Variants in INKA2 observed in about 807,000 individuals in gnomAD.
The protein encoded by INKA2 is PAK4-inhibitor INKA2.
INKA2 carries 3 observed loss-of-function variants against 9.8 expected under a neutral mutation model. The ratio of observed to expected loss-of-function variants is 0.31; its 90% CI spans 0.14 to 0.79. The LOEUF (loss-of-function observed/expected upper bound fraction) is 0.79. Among genes scored for constraint, INKA2 ranks in the 30% least tolerant of loss-of-function variants. The pLI, the probability that INKA2 is intolerant of heterozygous loss-of-function variation, is 0.62. For synonymous variants in INKA2, 147 were observed against 143.3 expected (o/e 1.03, Z -0.18); for missense variants, 392 against 384.4 (o/e 1.02, Z -0.17).
intron 1 of INKA2, among the ~76,000 whole-genome samples, chr1:111,749,366 C>T (rs1370188328): frequency 1.3e-5 from 2 of 151,910 alleles, no homozygotes; most frequent in Non-Finnish European, 2.9e-5. Flanking sequence ...GCCACCTGAG[C>T]CAGGGGTTCA....
upstream of INKA2, among the ~76,000 whole-genome samples, chr1:111,741,558 T>C (rs1056518412): frequency 1.3e-5 from 2 of 152,204 alleles, no homozygotes; most frequent in African/African-American, 2.4e-5. Flanking sequence ...GGACCCAGCA[T>C]TGACATATAG....
At chr1:111,745,357 G>A (rs1288404714) in intron 1 of INKA2, 1 of 137,914 alleles carries the variant, frequency 7.3e-6, no homozygotes, top group Non-Finnish European at 1.5e-5. Flanking sequence ...GTGCAGTGGT[G>A]TGATCACGGC....
intron 1 of INKA2, among the ~76,000 whole-genome samples, chr1:111,749,238 T>C (rs771437311): frequency 2.6e-5 from 4 of 152,196 alleles, no homozygotes; most frequent in African/African-American, 4.8e-5. Flanking sequence ...GTTCTCGGCC[T>C]GGATTCTGGG....
chr1:111,731,130 G>A (rs1662897020), intron 1 of INKA2, among the ~76,000 whole-genome samples: 1 of 152,214 alleles, frequency 6.6e-6, no homozygotes, highest in South Asian at 2.1e-4. Context: ...CAGTTTTCCA[G>A]TGAGAATGAA....
intron 1 of INKA2, among the ~76,000 whole-genome samples, chr1:111,749,054 A>C (rs1027722735): frequency 6.6e-6 from 1 of 152,202 alleles, no homozygotes; most frequent in African/African-American, 2.4e-5. Flanking sequence ...AATGTGAGCG[A>C]AGCTGCCTTG....
At chr1:111,746,953 C>T (rs182183155) in intron 1 of INKA2, 9 of 152,282 alleles carry the variant, frequency 5.9e-5, no homozygotes, top group African/African-American at 1.4e-4. Flanking sequence ...TTTTCTCCTC[C>T]GTGATCTCTA....
At chr1:111,745,293 A>ATATATATATATATATATATATTT (rs1358304932) in intron 1 of INKA2, 3 of 49,270 alleles carry the variant, frequency 6.1e-5, no homozygotes, top group Non-Finnish European at 1.1e-4. Flanking sequence ...ATATATATAT[A>ATATATATATATATATATATATTT]TTTTTTTTTT....
At chr1:111,730,917 C>T (rs531438372) in intron 1 of INKA2, among the ~76,000 whole-genome samples, 313 of 152,310 alleles carry the variant, frequency 2.1e-3, no homozygotes, top group Non-Finnish European at 3.5e-3. Flanking sequence ...TACCCTCAGA[C>T]GGTAACTCAC....
intron 1 of INKA2, 65 bp from the exon 2 acceptor site, chr1:111,727,869 C>A: frequency 6.6e-7 from 1 of 1,519,334 alleles, no homozygotes. Flanking sequence ...TCTCCCAGCC[C>A]TGAACTTAGG....
At chr1:111,729,534 T>TC (rs1348969115) in intron 1 of INKA2, among the ~76,000 whole-genome samples, 1 of 152,190 alleles carries the variant, frequency 6.6e-6, no homozygotes, top group East Asian at 1.9e-4. Flanking sequence ...GGGGGCTGTG[T>TC]CTGATAACAT....
At chr1:111,751,031 GCT>G (rs756353363) in intron 1 of INKA2, among the ~76,000 whole-genome samples, 1 of 152,204 alleles carries the variant, frequency 6.6e-6, no homozygotes, top group Admixed American at 6.5e-5. Flanking sequence ...TGCCTGGTGA[GCT>G]CTCTTTCCAC....
In INKA2 at chr1:111,727,536, C is replaced by T; in HGVS notation, c.326G>A (p.Arg109Lys). 2 of 1,613,966 alleles carry T rather than the reference C, an allele frequency of 1.2e-6. No individual in the cohort carries two copies. The highest frequency in any genetic ancestry group is 1.7e-5 in the Admixed American group (1 of 59,974). Residue 109 changes from arginine (R) to lysine (K), a missense_variant, in exon 2 of 2, where the codon AGG becomes AAG. Physicochemically the swap from Arg to Lys is conservative, Grantham distance 26. Transcript: ENST00000357260. ...LGSSTKFPSH[R>K]SVCGRDLAPL... The stretch of plus-strand genomic sequence containing the variant: ...GGCTAAATCCCTTCCACAGACACTC[C>T]TATGGGATGGAAACTTGGTGCTGCT...
chr1:111,755,730 T>C, exon 1 of INKA2: 1 of 1,613,922 alleles, frequency 6.2e-7, no homozygotes, highest in Non-Finnish European at 8.5e-7. Context: ...CTCCTCCCTC[T>C]TGGGGCTTTC....
intron 1 of INKA2, among the ~76,000 whole-genome samples, chr1:111,751,665 G>A (rs1382282139): frequency 1.3e-5 from 2 of 152,168 alleles, no homozygotes; most frequent in Non-Finnish European, 2.9e-5. Context: ...TCACTCTCCT[G>A]CTCATCAAAG....
Position 111,726,863 on chromosome 1 carries a change from G to T in INKA2, c.*105C>A. The T allele has an allele frequency of 8.8e-7, 1 of 1,136,056 alleles. No individual in the cohort carries two copies. Among genetic ancestry groups the T allele is most frequent in the South Asian group, 1.5e-5 (1 of 67,262 alleles). 70.4% of individuals were successfully genotyped at this position (1,136,056 alleles called of 1,614,324 possible). A position where few individuals can be genotyped will look rare whatever the true frequency, so the allele number is the denominator to read the frequency against. On this transcript the variant is annotated 3_prime_UTR_variant, in exon 2 of 2. Coordinates refer to ENST00000357260, the MANE Select transcript of INKA2 (RefSeq NM_019099.5). ...CCCGCTTTCTGGGGGAAAGGAACTT[G>T]GAGTTGGGCTTTCGAGAGCCATACC...
chr1:111,727,717 G>A lies in INKA2; in HGVS notation c.145C>T (p.Gln49Ter). 1.2e-6 allele frequency: 2 copies of A among 1,613,982 alleles called. No homozygotes were observed. Among genetic ancestry groups the A allele is most frequent in the Non-Finnish European group, 8.5e-7 (1 of 1,179,984 alleles). The change falls in exon 2 of 2, where the codon CAG becomes TAG. Residue 49 changes from glutamine (Q) to a stop codon, truncating the protein, a stop_gained. Coordinates refer to ENST00000357260, the MANE Select transcript of INKA2 (RefSeq NM_019099.5). LOFTEE classifies it low-confidence loss of function (END_TRUNC). ...ATCTCCAGCTGTTCCAGTGCTGTCT[G>A]CACCTGGAGGAGCTTCAGTTCTTGC... ...ALQELKLLQV[Q>*]TALEQLEISG...
At chr1:111,728,374 T>G (rs922512934) in intron 1 of INKA2, among the ~76,000 whole-genome samples, 1 of 152,220 alleles carries the variant, frequency 6.6e-6, no homozygotes, top group Non-Finnish European at 1.5e-5. Flanking sequence ...CGTATGAGGT[T>G]GCTATTTTCT....
intron 1 of INKA2, among the ~76,000 whole-genome samples, chr1:111,752,845 C>T (rs1663440294): frequency 6.6e-6 from 1 of 152,158 alleles, no homozygotes. Flanking sequence ...AGGTGCCCAC[C>T]ACCACGCCCG....
rs1348641098 is a variant in INKA2, at chr1:111,724,649, A to G, written c.*2319T>C. ...CCACCTCCACCATCTCCACCTCCAAAGGCAGTCAGAGCCAACGTTCCCTCA... is the reference window on the plus strand; with the variant it reads ...CCACCTCCACCATCTCCACCTCCAAGGGCAGTCAGAGCCAACGTTCCCTCA... On this transcript the variant is annotated 3_prime_UTR_variant, in exon 2 of 2. Coordinates refer to ENST00000357260, the MANE Select transcript of INKA2 (RefSeq NM_019099.5). 1 of 152,672 alleles carries G rather than the reference A, an allele frequency of 6.5e-6. No homozygotes were observed. Among genetic ancestry groups the G allele is most frequent in the Non-Finnish European group, 1.5e-5 (1 of 68,440 alleles). 9.5% of individuals were successfully genotyped at this position (152,672 alleles called of 1,614,324 possible). A position where few individuals can be genotyped will look rare whatever the true frequency, so the allele number is the denominator to read the frequency against.
Sources: gnomAD v4.1 joint callset for allele counts (sites outside exome capture counted in the v4.1 genomes callset) on GRCh38, gnomAD v4.1.1 for gene constraint, MANE v1.5 for transcripts, NCBI Gene and HGNC (gene_info 2026-07-23, HGNC 2026-07-21) for gene names.